RPRD2: variants seen among roughly 807,000 people sequenced by gnomAD.
RPRD2 encodes the protein regulation of nuclear pre-mRNA domain containing 2, also known as regulation of nuclear pre-mRNA domain-containing protein 2.
In RPRD2, 12 loss-of-function variants were observed where a neutral mutation model predicts 104.4. The ratio of observed to expected loss-of-function variants is 0.11; its 90% CI spans 0.07 to 0.19. The LOEUF is 0.19. RPRD2 is among the 10% of genes least tolerant of loss of function. The probability of loss-of-function intolerance (pLI) is 1.00; values close to 1 mark genes in which losing one functional copy is unlikely to be tolerated. For synonymous variants in RPRD2, 714 were observed against 684.9 expected (o/e 1.04, Z -0.66); for missense variants, 1,543 against 1,790.1 (o/e 0.86, Z 2.49).
intron 1 of RPRD2, among the ~76,000 whole-genome samples, chr1:150,373,355 AG>A (rs1224179773): frequency 6.6e-6 from 1 of 151,860 alleles, no homozygotes; most frequent in Admixed American, 6.6e-5. Context: ...CTGCTGGAAC[AG>A]GGATACCAAT....
At chr1:150,460,801 T>C (rs1553898670) in intron 9 of RPRD2, among the ~76,000 whole-genome samples, 2 of 151,160 alleles carry the variant, frequency 1.3e-5, no homozygotes, top group Non-Finnish European at 2.9e-5. Context: ...CAAACTTCAC[T>C]CACTGCAGCC....
At chr1:150,446,453 G>A in intron 7 of RPRD2, 52 bp downstream of exon 7, 1 of 1,405,802 alleles carries the variant, frequency 7.1e-7, no homozygotes, top group Non-Finnish European at 9.7e-7. Context: ...CTATATTTCA[G>A]AGATTGTTAA....
In RPRD2 at chr1:150,444,285, A is replaced by G. The variant is rs1330383004; in HGVS notation, c.602A>G (p.Lys201Arg). 5.6e-6 allele frequency: 9 copies of G among 1,613,804 alleles called. No individual in the cohort carries two copies. The highest frequency in any genetic ancestry group is 5.5e-5 in the South Asian group (5 of 91,078). Residue 201 changes from lysine (K) to arginine (R), a missense_variant, in exon 6 of 11, where the codon AAG (lysine) becomes AGG (arginine). Coordinates refer to ENST00000369068, the MANE Select transcript of RPRD2 (RefSeq NM_015203.5). ...CTAATTGAAGAGCTGTTGCTATACA[A>G]GCGCTCAGAAGATCAGATAGAACTG... ...QALIEELLLY[K>R]RSEDQIELKE...
At position 150,472,875 on chromosome 1, in the gene RPRD2, C is replaced by A. The variant is rs748509196; in HGVS notation, c.3927C>A (p.Ala1309=). ...VDHSGVVPFP[A]PPLAEHGVAG... ...ACTCTGGAGTTGTACCCTTCCCAGCCCCACCACTGGCAGAGCACGGAGTGG... is the reference window on the plus strand; with the variant it reads ...ACTCTGGAGTTGTACCCTTCCCAGCACCACCACTGGCAGAGCACGGAGTGG... Residue 1309 remains alanine (A), a synonymous_variant, in exon 11 of 11, where the codon GCC becomes GCA. Coordinates refer to ENST00000369068, the MANE Select transcript of RPRD2 (RefSeq NM_015203.5). The A allele has an allele frequency of 6.2e-7, 1 of 1,613,070 alleles. No homozygotes were observed. The highest frequency in any genetic ancestry group is 1.1e-5 in the South Asian group (1 of 90,970).
At chr1:150,417,887 CTTTCT>C (rs782314181) in intron 2 of RPRD2, among the ~76,000 whole-genome samples, 162 bp downstream of exon 2, 42 of 151,908 alleles carry the variant, frequency 2.8e-4, no homozygotes, top group East Asian at 1.3e-3. Context: ...GTTTTTCTTT[CTTTCT>C]TTTCTTTTCT....
chr1:150,388,413 C>CATATAT (rs1661787209), intron 1 of RPRD2, among the ~76,000 whole-genome samples: 4 of 142,288 alleles, frequency 2.8e-5, no homozygotes, highest in African/African-American at 1.0e-4. Flanking sequence ...TGTATATACA[C>CATATAT]ATGTATATAT....
Position 150,417,803 on chromosome 1 carries a change from GTAA to G in RPRD2, c.335+83_335+85del, listed in dbSNP as rs1379351450. The G allele has an allele frequency of 7.0e-6, 8 of 1,138,340 alleles. No homozygotes were observed. In the African/African-American group the frequency reaches 1.2e-4, roughly 18 times the overall value. 70.5% of individuals were successfully genotyped at this position (1,138,340 alleles called of 1,614,324 possible). On this transcript the variant is annotated intron_variant, in intron 2 of 10. Transcript: ENST00000369068. ...TTAGTTTCTTAACCCATTAAGAACT[GTAA>G]TAATTGAACATGCTTGAAGATTAAG...
At chr1:150,428,635 T>A (rs1553891006) in intron 2 of RPRD2, among the ~76,000 whole-genome samples, 1 of 152,018 alleles carries the variant, frequency 6.6e-6, no homozygotes, top group Non-Finnish European at 1.5e-5. Flanking sequence ...GTGTGCTACC[T>A]GGCCTGAGTC....
intron 1 of RPRD2, among the ~76,000 whole-genome samples, chr1:150,398,404 G>C (rs1277564176): frequency 2.6e-5 from 4 of 151,924 alleles, no homozygotes; most frequent in Non-Finnish European, 4.4e-5. Context: ...CACTGTGTTA[G>C]CCAGGATGGT....
At chr1:150,455,971 C>T (rs1217670419) in intron 7 of RPRD2, among the ~76,000 whole-genome samples, 3 of 151,990 alleles carry the variant, frequency 2.0e-5, no homozygotes, top group Admixed American at 6.6e-5. Flanking sequence ...GGACTACAGG[C>T]GCATGCTACT....
intron 2 of RPRD2, among the ~76,000 whole-genome samples, chr1:150,432,368 G>A (rs782796303): frequency 6.6e-6 from 1 of 152,052 alleles, no homozygotes; most frequent in Non-Finnish European, 1.5e-5. Context: ...ATAAGGGGGA[G>A]TTATTGGTAC....
At position 150,453,297 on chromosome 1, in the gene RPRD2, C is replaced by A. The variant is rs587691470; in HGVS notation, c.871-3991C>A. 1.8e-3 allele frequency among the ~76,000 whole-genome samples: 279 copies of A among 152,242 alleles called. 2 individuals are homozygous for A. Among genetic ancestry groups the A allele is most frequent in the African/African-American group, 6.2e-3 (259 of 41,532 alleles). On this transcript the variant is annotated intron_variant, in intron 7 of 10. Transcript: ENST00000369068. ...CTGTGCTCCTTGGCCTCCCAAAGTG[C>A]TGGGATTACAGGCGTGAGCCACCGC...
At chr1:150,468,175 GTATGACTTGTTATGA>G (rs1668398649) in intron 10 of RPRD2, among the ~76,000 whole-genome samples, 1 of 151,976 alleles carries the variant, frequency 6.6e-6, no homozygotes, top group East Asian at 1.9e-4. Context: ...AAGGAGCAGA[GTATGACTTGTTATGA>G]TTAAAGAGCA....
rs148433222 is a variant in RPRD2 at position 150,390,458 on chromosome 1, C to T, written c.205+25539C>T. Among the ~76,000 whole-genome samples, 161 of 152,088 alleles carry T rather than the reference C, an allele frequency of 1.1e-3. 2 individuals carry two copies. Among genetic ancestry groups the T allele is most frequent in the African/African-American group, 3.7e-3 (155 of 41,482 alleles). Reference sequence around the variant, plus strand: ...AAGTTGCAGTGAGCCGAGATCACGCCGTTACACTCCAGCCTGGGCGACAAG... The same window carrying T: ...AAGTTGCAGTGAGCCGAGATCACGCTGTTACACTCCAGCCTGGGCGACAAG... On this transcript the variant is annotated intron_variant, in intron 1 of 10. Coordinates refer to ENST00000369068, the MANE Select transcript of RPRD2 (RefSeq NM_015203.5).
intron 10 of RPRD2, among the ~76,000 whole-genome samples, chr1:150,465,681 C>A (rs1398069624): frequency 1.3e-5 from 2 of 152,258 alleles, no homozygotes; most frequent in East Asian, 3.9e-4. Context: ...TTAGTCCCAG[C>A]TTTTAATACA....
At chr1:150,410,301 T>A (rs1312912514) in intron 1 of RPRD2, among the ~76,000 whole-genome samples, 3 of 152,118 alleles carry the variant, frequency 2.0e-5, no homozygotes, top group Non-Finnish European at 4.4e-5. Context: ...TAGAATAATA[T>A]GATCAATTTA....
intron 10 of RPRD2, among the ~76,000 whole-genome samples, chr1:150,466,528 G>GCCAGA (rs1668289295): frequency 6.8e-6 from 1 of 146,854 alleles, no homozygotes; most frequent in Non-Finnish European, 1.5e-5. Flanking sequence ...CAACCTAAGT[G>GCCAGA]ATGAGACCCT....
At chr1:150,376,108 A>G (rs587769206) in intron 1 of RPRD2, among the ~76,000 whole-genome samples, 1 of 152,322 alleles carries the variant, frequency 6.6e-6, no homozygotes, top group South Asian at 2.1e-4. Context: ...TAGTTTTTAA[A>G]AATGCTTCAT....
chr1:150,443,256 C>T lies in RPRD2; in HGVS notation c.540C>T (p.Leu180=). The change falls in exon 5 of 11, where the codon CTC becomes CTT. Residue 180 remains leucine (L), a synonymous_variant. Coordinates refer to ENST00000369068, the MANE Select transcript of RPRD2 (RefSeq NM_015203.5). ...SQTSTNPKAA[L]KSKIVAEFRS... is the part of the protein sequence containing the mutation. ...CATCTACAAATCCAAAAGCTGCTCT[C>T]AAGTCTAAGATAGTTGCTGAATTTC... is the stretch of plus-strand genomic sequence containing the variant. 1 of 1,577,446 alleles carries T rather than the reference C, an allele frequency of 6.3e-7. No homozygotes were observed. Among genetic ancestry groups the T allele is most frequent in the Non-Finnish European group, 8.6e-7 (1 of 1,159,932 alleles).
Sources: allele counts gnomAD v4.1 joint callset (sites outside exome capture counted in the v4.1 genomes callset), GRCh38; gene constraint gnomAD v4.1.1; transcripts MANE v1.5; gene names NCBI Gene and HGNC (gene_info 2026-07-23, HGNC 2026-07-21).